The following TNKS variants were observed in gnomAD, a reference collection of about 807,000 sequenced individuals.
The protein encoded by TNKS is tankyrase.
TNKS carries 72 observed loss-of-function variants against 135.8 expected under a neutral mutation model. The observed-to-expected ratio is 0.53, with a 90% CI of 0.44 to 0.64. The LOEUF (loss-of-function observed/expected upper bound fraction) is 0.64, where lower values mean the gene tolerates loss of function less well. TNKS is among the 30% of genes least tolerant of loss of function. The pLI is 0.00. For synonymous variants in TNKS, 849 were observed against 649.3 expected, an observed-to-expected ratio of 1.31 and a Z score of -4.68; for missense variants, 1,769 against 1,674.0, an observed-to-expected ratio of 1.06 and a Z score of -0.99.
At chr8:9,632,151 C>T (rs961808363) in intron 3 of TNKS, among the ~76,000 whole-genome samples, 5 of 152,110 alleles carry the variant, frequency 3.3e-5, no homozygotes, top group Non-Finnish European at 7.4e-5. Flanking sequence ...GTTTTTACTT[C>T]TGTTTAATTC....
intron 2 of TNKS, among the ~76,000 whole-genome samples, chr8:9,585,592 A>C (rs1428044169): frequency 6.6e-6 from 1 of 152,206 alleles, no homozygotes; most frequent in East Asian, 1.9e-4. Flanking sequence ...AAGACAATGG[A>C]ATAACCTTCT....
At chr8:9,663,212 G>C (rs1428472787) in intron 3 of TNKS, among the ~76,000 whole-genome samples, 1 of 152,208 alleles carries the variant, frequency 6.6e-6, no homozygotes, top group East Asian at 1.9e-4. Context: ...CCAGAACTGT[G>C]TGGGAATAAA....
At chr8:9,655,052 A>C (rs1321881598) in intron 3 of TNKS, among the ~76,000 whole-genome samples, 1 of 152,034 alleles carries the variant, frequency 6.6e-6, no homozygotes, top group East Asian at 1.9e-4. Context: ...CCACCCTAAA[A>C]CTGCACTTTT....
chr8:9,650,791 C>A (rs1336629372), intron 3 of TNKS, among the ~76,000 whole-genome samples: 4 of 152,086 alleles, frequency 2.6e-5, no homozygotes, highest in African/African-American at 9.7e-5. Flanking sequence ...CTGATGATTT[C>A]TTTTGCTGTG....
chr8:9,697,466 A>G (rs1803571228), intron 5 of TNKS, among the ~76,000 whole-genome samples: 1 of 152,158 alleles, frequency 6.6e-6, no homozygotes, highest in African/African-American at 2.4e-5. Context: ...CTAATTAAAG[A>G]GCTTCTGCAC....
intron 3 of TNKS, among the ~76,000 whole-genome samples, chr8:9,636,051 A>G (rs1800497915): frequency 6.6e-6 from 1 of 152,242 alleles, no homozygotes; most frequent in African/African-American, 2.4e-5. Flanking sequence ...TTGTTTTTAA[A>G]AAATAGGCAC....
At chr8:9,713,497 T>A (rs1175692585) in intron 11 of TNKS, among the ~76,000 whole-genome samples, 1 of 152,198 alleles carries the variant, frequency 6.6e-6, no homozygotes, top group Non-Finnish European at 1.5e-5. Context: ...TTATTTGCCC[T>A]TTATGTGCAC....
At chr8:9,674,514 G>A (rs922085285) in intron 3 of TNKS, among the ~76,000 whole-genome samples, 1 of 152,206 alleles carries the variant, frequency 6.6e-6, no homozygotes, top group Non-Finnish European at 1.5e-5. Context: ...ACACTGCAAA[G>A]TTTCGTGGTC....
intron 2 of TNKS, among the ~76,000 whole-genome samples, chr8:9,601,346 G>T (rs533624711): frequency 2.0e-5 from 3 of 152,174 alleles, no homozygotes; most frequent in South Asian, 4.1e-4. Flanking sequence ...ATGTATTATT[G>T]CAGTAGCTAC....
At chr8:9,699,131 G>A (rs554419655) in intron 5 of TNKS, among the ~76,000 whole-genome samples, 1 of 152,296 alleles carries the variant, frequency 6.6e-6, no homozygotes, top group Admixed American at 6.5e-5. Context: ...TTTGATGCTT[G>A]TGTTTACTAG....
intron 3 of TNKS, among the ~76,000 whole-genome samples, chr8:9,668,070 G>C (rs987977567): frequency 1.3e-5 from 2 of 152,078 alleles, no homozygotes; most frequent in Admixed American, 6.5e-5. Flanking sequence ...TAGACTGCAG[G>C]GCCCAGCTGT....
At chr8:9,659,663 A>G (rs1432872728) in intron 3 of TNKS, among the ~76,000 whole-genome samples, 1 of 152,224 alleles carries the variant, frequency 6.6e-6, no homozygotes, top group Non-Finnish European at 1.5e-5. Flanking sequence ...CCCTAACATC[A>G]CAATTAAAAG....
chr8:9,764,856 A>T, intron 23 of TNKS, 66 bp downstream of exon 23: 1 of 1,356,130 alleles, frequency 7.4e-7, no homozygotes, highest in African/African-American at 1.5e-5. Flanking sequence ...AAATCTAGAC[A>T]ATGAAAAAAG....
At chr8:9,630,694 T>G (rs1800257500) in intron 3 of TNKS, among the ~76,000 whole-genome samples, 1 of 152,214 alleles carries the variant, frequency 6.6e-6, no homozygotes, top group Admixed American at 6.5e-5. Flanking sequence ...CCTTTGTTAT[T>G]GAAGAAAAAT....
chr8:9,752,912 C>G (rs902700572), intron 20 of TNKS, among the ~76,000 whole-genome samples: 13 of 150,542 alleles, frequency 8.6e-5, no homozygotes, highest in Non-Finnish European at 1.2e-4. Context: ...CTGCAGTGAG[C>G]TGTGATTGTG....
intron 2 of TNKS, among the ~76,000 whole-genome samples, chr8:9,581,945 T>C (rs1798183988): frequency 6.6e-6 from 1 of 152,206 alleles, no homozygotes; most frequent in Non-Finnish European, 1.5e-5. Context: ...TGCAGCACTC[T>C]ACTTCCTCAG....
At chr8:9,684,042 T>C (rs887973289) in intron 5 of TNKS, among the ~76,000 whole-genome samples, 6 of 151,958 alleles carry the variant, frequency 3.9e-5, no homozygotes, top group Non-Finnish European at 2.9e-5. Flanking sequence ...ATTATATACG[T>C]GTTATAATGA....
intron 1 of TNKS, among the ~76,000 whole-genome samples, chr8:9,579,493 G>T (rs1224087685): frequency 2.0e-5 from 3 of 151,908 alleles, no homozygotes; most frequent in Admixed American, 6.6e-5. Flanking sequence ...TTTTATTGAG[G>T]AGTCTCGCAC....
intron 3 of TNKS, among the ~76,000 whole-genome samples, chr8:9,672,700 ACACACACAC>A: frequency 7.9e-6 from 1 of 125,964 alleles, no homozygotes; most frequent in Non-Finnish European, 1.7e-5. Flanking sequence ...ACACACACAC[ACACACACAC>A]ACAAAAAAAA....
Sources: gnomAD v4.1 joint callset for allele counts (sites outside exome capture counted in the v4.1 genomes callset) on GRCh38, gnomAD v4.1.1 for gene constraint, MANE v1.5 for transcripts, NCBI Gene and HGNC (gene_info 2026-07-23, HGNC 2026-07-21) for gene names.